Variants in NHLRC2 observed in about 807,000 individuals in gnomAD.
NHLRC2 encodes NHL repeat containing 2.
In NHLRC2, 33 loss-of-function variants were observed where a neutral mutation model predicts 68.1. That is an observed-to-expected ratio of 0.48 (90% CI 0.37 to 0.65). The LOEUF (loss-of-function observed/expected upper bound fraction) is 0.65. Ranked by LOEUF, NHLRC2 falls within the 30% of genes least tolerant of loss-of-function variation. The pLI, the probability that NHLRC2 is intolerant of heterozygous loss-of-function variation, is 0.00. For synonymous variants in NHLRC2, 311 were observed against 309.6 expected (o/e 1.00, Z -0.05); for missense variants, 761 against 853.8 (o/e 0.89, Z 1.35).
Position 113,891,060 on chromosome 10 carries a change from G to A in NHLRC2, c.1039+6680G>A, listed in dbSNP as rs148903347. Among the ~76,000 whole-genome samples the A allele has an allele frequency of 2.3e-3, 345 of 152,252 alleles. 1 individual carries two copies. The highest frequency in any genetic ancestry group is 8.0e-3 in the African/African-American group (331 of 41,544). On this transcript the variant is annotated intron_variant, in intron 5 of 10. Transcript: ENST00000369301. The stretch of plus-strand genomic sequence containing the variant: ...CCATGATCCAATCACTTTCCACCAG[G>A]TCCCTCCCTCGACTTGTGGGGATTA...
At chr10:113,858,360 G>A (rs1317783448) in intron 1 of NHLRC2, among the ~76,000 whole-genome samples, 168 bp from the exon 2 acceptor site, 2 of 151,652 alleles carry the variant, frequency 1.3e-5, no homozygotes, top group East Asian at 1.9e-4. Flanking sequence ...ATGGTTCATA[G>A]TAAACAACTA....
intron 5 of NHLRC2, among the ~76,000 whole-genome samples, chr10:113,888,244 A>G (rs1475166589): frequency 1.3e-5 from 2 of 152,214 alleles, no homozygotes; most frequent in Admixed American, 6.5e-5. Flanking sequence ...ATAATTGTGC[A>G]CTGCATGGTG....
In NHLRC2 at chr10:113,878,467, C is replaced by G. The variant is rs185588654; in HGVS notation, c.788-1107C>G. Among the ~76,000 whole-genome samples the G allele has an allele frequency of 3.0e-3, 450 of 152,194 alleles. 1 individual carries two copies. The highest frequency in any genetic ancestry group is 5.4e-3 in the Non-Finnish European group (365 of 68,014). On this transcript the variant is annotated intron_variant, in intron 3 of 10. Coordinates refer to ENST00000369301, the MANE Select transcript of NHLRC2 (RefSeq NM_198514.4). ...AAAACTGAGACACAAAGAACTTTCC[C>G]AAATCACCAGCTAGAAAGAGACAGA... is the stretch of plus-strand genomic sequence containing the variant.
At chr10:113,858,729 T>C (rs767876244) in intron 2 of NHLRC2, 49 bp downstream of exon 2, 13 of 1,390,134 alleles carry the variant, frequency 9.4e-6, no homozygotes, top group Non-Finnish European at 1.2e-5. Context: ...GCATAGTCAC[T>C]GGAAGAGTGG....
intron 1 of NHLRC2, 23 bp from the exon 2 acceptor site, chr10:113,858,505 A>G: frequency 6.6e-7 from 1 of 1,522,598 alleles, no homozygotes; most frequent in Non-Finnish European, 9.0e-7. Flanking sequence ...TAATCATTGT[A>G]ATTTATTTTA....
intron 2 of NHLRC2, among the ~76,000 whole-genome samples, chr10:113,870,770 C>G (rs939007401): frequency 6.6e-6 from 1 of 152,104 alleles, no homozygotes; most frequent in Non-Finnish European, 1.5e-5. Flanking sequence ...GTGAGTGTAC[C>G]TCTTTCTCAG....
At chr10:113,883,664 G>A (rs565591617) in intron 4 of NHLRC2, among the ~76,000 whole-genome samples, 1 of 151,976 alleles carries the variant, frequency 6.6e-6, no homozygotes, top group East Asian at 1.9e-4. Context: ...ATAAAGTAAA[G>A]TCCGTAAAGT....
rs1846355663 is a variant in NHLRC2 at position 113,914,129 on chromosome 10, G to C, written c.*5593G>C. The stretch of plus-strand genomic sequence containing the variant: ...GCCTCCCAAAGTGCTGGGATTACAG[G>C]CGTGAGCCACCGTACCCAGCCTAGC... On this transcript the variant is annotated 3_prime_UTR_variant, in exon 11 of 11. Transcript: ENST00000369301. 6.6e-6 allele frequency: 1 copy of C among 152,122 alleles called. No homozygotes were observed. Among genetic ancestry groups the C allele is most frequent in the African/African-American group, 2.4e-5 (1 of 41,314 alleles). The allele number at this position is 152,122 out of a possible 1,614,324, so 9.4% of individuals were successfully genotyped here. A position where few individuals can be genotyped will look rare whatever the true frequency, so the allele number is the denominator to read the frequency against.
At chr10:113,867,854 T>C (rs1189346506) in intron 2 of NHLRC2, among the ~76,000 whole-genome samples, 1 of 152,244 alleles carries the variant, frequency 6.6e-6, no homozygotes, top group Non-Finnish European at 1.5e-5. Context: ...CACGTTCTAC[T>C]ATAGTATATA....
intron 5 of NHLRC2, among the ~76,000 whole-genome samples, chr10:113,891,298 A>G (rs992120664): frequency 3.9e-5 from 6 of 152,072 alleles, no homozygotes; most frequent in Non-Finnish European, 7.4e-5. Flanking sequence ...AGTTATTTCA[A>G]AGTCTGTATT....
intron 10 of NHLRC2, among the ~76,000 whole-genome samples, chr10:113,906,381 C>T (rs1846274740): frequency 6.6e-6 from 1 of 151,898 alleles, no homozygotes; most frequent in African/African-American, 2.4e-5. Flanking sequence ...AGGCAATAAT[C>T]CTAATAATTT....
In NHLRC2 at chr10:113,901,908, T is replaced by C. The variant is rs540443176; in HGVS notation, c.1371+11T>C. 6.4e-6 allele frequency: 10 copies of C among 1,569,094 alleles called. No individual in the cohort carries two copies. The East Asian group carries it at 2.2e-4, about 35-fold the overall frequency. ...GAAAGAGACCCCATGGTAATGACAG[T>C]CACTCTTGCACAGTGCGCTCGGACA... On this transcript the variant is annotated intron_variant, in intron 7 of 10. Coordinates refer to ENST00000369301, the MANE Select transcript of NHLRC2 (RefSeq NM_198514.4).
chr10:113,882,159 T>C (rs1285590950), intron 4 of NHLRC2, among the ~76,000 whole-genome samples: 2 of 151,842 alleles, frequency 1.3e-5, no homozygotes, highest in Non-Finnish European at 3.0e-5. Context: ...ATAATCTTGC[T>C]GTGAGCATTG....
At chr10:113,855,292 C>T (rs111744027) in intron 1 of NHLRC2, among the ~76,000 whole-genome samples, 304 of 152,310 alleles carry the variant, frequency 2.0e-3, no homozygotes, top group Middle Eastern at 3.4e-3. Context: ...CTGAGTTCCG[C>T]CCGCGCCTGA....
chr10:113,870,202 A>G (rs1436301885), intron 2 of NHLRC2, among the ~76,000 whole-genome samples: 2 of 151,766 alleles, frequency 1.3e-5, no homozygotes, highest in East Asian at 1.9e-4. Context: ...ATTTTTTTCT[A>G]TTTGTATTTC....
intron 2 of NHLRC2, among the ~76,000 whole-genome samples, chr10:113,859,505 T>C (rs1845795762): frequency 6.6e-6 from 1 of 152,166 alleles, no homozygotes; most frequent in Non-Finnish European, 1.5e-5. Flanking sequence ...GGGGAAGTGA[T>C]AGAGAAATCT....
chr10:113,879,602 A>G lies in NHLRC2; in HGVS notation c.816A>G (p.Ile272Met), dbSNP rs1484454944. The change falls in exon 4 of 11, where the codon ATA becomes ATG. Residue 272 changes from isoleucine to methionine, a missense_variant. Physicochemically the swap from Ile to Met is conservative, Grantham distance 10. Transcript: ENST00000369301. ...GGPNPGRKDG[I>M]FSESTFNSPQ... ...CCAACCCTGGAAGAAAAGATGGAAT[A>G]TTTTCAGAATCAACTTTTAATTCTC... 4 of 1,601,252 alleles carry G rather than the reference A, an allele frequency of 2.5e-6. No individual in the cohort carries two copies. In the African/African-American group the frequency reaches 5.4e-5, roughly 22 times the overall value.
chr10:113,872,915 T>C (rs1192860147), intron 2 of NHLRC2, among the ~76,000 whole-genome samples: 4 of 152,084 alleles, frequency 2.6e-5, no homozygotes, highest in Admixed American at 1.3e-4. Context: ...AAGAAAACTT[T>C]CTGGAAAGAA....
chr10:113,860,744 A>G (rs1478078305), intron 2 of NHLRC2, among the ~76,000 whole-genome samples: 3 of 152,252 alleles, frequency 2.0e-5, no homozygotes, highest in Non-Finnish European at 4.4e-5. Flanking sequence ...GAAGCTAGAA[A>G]GAAATTCTGG....
Sources: allele counts gnomAD v4.1 joint callset (sites outside exome capture counted in the v4.1 genomes callset), GRCh38; gene constraint gnomAD v4.1.1; transcripts MANE v1.5; gene names NCBI Gene and HGNC (gene_info 2026-07-23, HGNC 2026-07-21).